Variants in NAV3 observed in about 807,000 individuals in gnomAD.
NAV3 encodes pore membrane and/or filament interacting like protein 1.
NAV3 carries 87 observed loss-of-function variants against 244.7 expected under a neutral mutation model. The ratio of observed to expected loss-of-function variants is 0.36; its 90% CI spans 0.30 to 0.42. NAV3 has a LOEUF of 0.42. Ranked by LOEUF, NAV3 falls within the 20% of genes least tolerant of loss-of-function variation. The probability of loss-of-function intolerance (pLI) is 1.00; values close to 1 mark genes in which losing one functional copy is unlikely to be tolerated. For synonymous variants in NAV3, 1,126 were observed against 1,042.2 expected (o/e 1.08, Z -1.55); for missense variants, 2,663 against 2,893.3 (o/e 0.92, Z 1.83).
chr12:77,920,471 G>A (rs1887601490), intron 1 of NAV3, among the ~76,000 whole-genome samples: 1 of 151,890 alleles, frequency 6.6e-6, no homozygotes. Context: ...GATGAATTAA[G>A]TCCTATCTGA....
intron 38 of NAV3, 59 bp from the exon 39 acceptor site, chr12:78,204,876 C>A: frequency 6.6e-7 from 1 of 1,517,100 alleles, no homozygotes; most frequent in Non-Finnish European, 9.0e-7. Flanking sequence ...TAGCAGTCCC[C>A]TTTTTTGCTG....
chr12:77,792,209 A>G (rs1435137246), intron 2 of NAV3, among the ~76,000 whole-genome samples: 1 of 152,164 alleles, frequency 6.6e-6, no homozygotes, highest in Admixed American at 6.5e-5. Flanking sequence ...GGAATGCTGT[A>G]TCCTCCTACA....
intron 1 of NAV3, among the ~76,000 whole-genome samples, chr12:77,919,858 A>T (rs1887534837): frequency 6.6e-6 from 1 of 151,916 alleles, no homozygotes; most frequent in African/African-American, 2.4e-5. Flanking sequence ...AAATTTAATC[A>T]CGCTTGGATT....
chr12:77,921,144 G>A (rs1394970017), intron 1 of NAV3, among the ~76,000 whole-genome samples: 1 of 151,914 alleles, frequency 6.6e-6, no homozygotes, highest in Non-Finnish European at 1.5e-5. Context: ...TAAAGCTAGG[G>A]TAACTATTTT....
rs973940908 is a variant in NAV3 at position 77,922,613 on chromosome 12, G to A, written c.244-17706G>A. 9.0e-4 allele frequency among the ~76,000 whole-genome samples: 137 copies of A among 152,184 alleles called. 1 individual carries two copies. Among genetic ancestry groups the A allele is most frequent in the Middle Eastern group, 3.4e-3 (1 of 294 alleles). ...CAGCTTAGGATCCCACCTATGTCCA[G>A]CATTGACTTTACTCTTGTCCCCTCG... is the stretch of plus-strand genomic sequence containing the variant. On this transcript the variant is annotated intron_variant, in intron 1 of 39. Coordinates refer to ENST00000397909, the MANE Select transcript of NAV3 (RefSeq NM_001024383.2).
intron 1 of NAV3, among the ~76,000 whole-genome samples, chr12:77,929,490 T>G (rs1029481238): frequency 3.9e-5 from 6 of 152,170 alleles, no homozygotes; most frequent in Non-Finnish European, 7.4e-5. Flanking sequence ...TTATCCACCT[T>G]GAGTCAAATC....
chr12:77,819,998 A>G (rs1872669937), intron 2 of NAV3, among the ~76,000 whole-genome samples: 1 of 152,194 alleles, frequency 6.6e-6, no homozygotes, highest in Non-Finnish European at 1.5e-5. Context: ...AGGGGAATGC[A>G]TATATGGAAA....
At chr12:77,641,947 C>T (rs939820033) in intron 2 of NAV3, among the ~76,000 whole-genome samples, 48 of 152,118 alleles carry the variant, frequency 3.2e-4, no homozygotes, top group African/African-American at 1.1e-3. Flanking sequence ...GGCAGAATTA[C>T]GGGCAGGCAG....
chr12:77,872,928 C>T (rs976642587), intron 1 of NAV3, among the ~76,000 whole-genome samples: 1 of 152,220 alleles, frequency 6.6e-6, no homozygotes. Flanking sequence ...ACCCAAATCT[C>T]ATCTTGATTG....
chr12:77,693,147 A>C (rs939110475), intron 2 of NAV3, among the ~76,000 whole-genome samples: 1 of 152,300 alleles, frequency 6.6e-6, no homozygotes, highest in East Asian at 1.9e-4. Context: ...TGACTTCTGC[A>C]TGACTATCTA....
chr12:78,022,278 A>G (rs1877286822), intron 9 of NAV3, among the ~76,000 whole-genome samples: 1 of 152,150 alleles, frequency 6.6e-6, no homozygotes, highest in Non-Finnish European at 1.5e-5. Flanking sequence ...AAACTCTGAA[A>G]AGGAAAATAT....
At chr12:77,816,611 C>T (rs1043934673) in intron 2 of NAV3, among the ~76,000 whole-genome samples, 2 of 152,120 alleles carry the variant, frequency 1.3e-5, no homozygotes, top group African/African-American at 2.4e-5. Flanking sequence ...CACATGTGCT[C>T]GGCTATCATC....
chr12:78,146,968 T>C (rs1160499478), intron 21 of NAV3, among the ~76,000 whole-genome samples: 1 of 152,104 alleles, frequency 6.6e-6, no homozygotes, highest in African/African-American at 2.4e-5. Flanking sequence ...TGGTAAAACA[T>C]TTGTCCTGGT....
At chr12:77,623,819 C>G (rs17793337) in intron 2 of NAV3, among the ~76,000 whole-genome samples, 3,783 of 152,216 alleles carry the variant, frequency 0.025, 62 homozygotes, top group Middle Eastern at 0.085. Context: ...ATGAAAGAAT[C>G]TGTAAAAAAC....
chr12:77,846,600 A>C (rs937528819), intron 1 of NAV3, among the ~76,000 whole-genome samples: 1 of 152,162 alleles, frequency 6.6e-6, no homozygotes, highest in African/African-American at 2.4e-5. Flanking sequence ...CTAGTTTTCT[A>C]TAATAGTCTA....
chr12:78,197,372 T>C lies in NAV3; in HGVS notation c.6417T>C (p.Asn2139=), dbSNP rs775014090. 1 of 1,601,770 alleles carries C rather than the reference T, an allele frequency of 6.2e-7. No individual in the cohort carries two copies. Among genetic ancestry groups the C allele is most frequent in the Admixed American group, 1.7e-5 (1 of 59,018 alleles). ...HHVGSLSDIF[N]GFLNCKYNKC... is the part of the protein sequence containing the mutation. ...TGGGCTCTCTGAGTGATATCTTCAA[T>C]GGTTTTCTCAATTGTAAATACAACA... The change falls in exon 35 of 40, where the codon AAT becomes AAC. Residue 2139 remains asparagine, a synonymous_variant. Coordinates refer to ENST00000397909, the MANE Select transcript of NAV3 (RefSeq NM_001024383.2).
At chr12:77,979,566 G>T (rs1869147536) in intron 5 of NAV3, among the ~76,000 whole-genome samples, 1 of 151,844 alleles carries the variant, frequency 6.6e-6, no homozygotes, top group South Asian at 2.1e-4. Flanking sequence ...TTGCTTATGA[G>T]ACTTTAACCA....
intron 1 of NAV3, among the ~76,000 whole-genome samples, chr12:77,911,866 T>A (rs916190647): frequency 4.1e-5 from 5 of 120,592 alleles, no homozygotes; most frequent in Admixed American, 8.0e-5. Flanking sequence ...GATCATATAT[T>A]TTTTTTAACT....
At chr12:77,681,397 T>G (rs1204659746) in intron 2 of NAV3, among the ~76,000 whole-genome samples, 2 of 152,204 alleles carry the variant, frequency 1.3e-5, no homozygotes, top group Non-Finnish European at 2.9e-5. Context: ...ATATTCCTTT[T>G]GTTTCCTGTG....
Sources: allele counts gnomAD v4.1 joint callset (sites outside exome capture counted in the v4.1 genomes callset), GRCh38; gene constraint gnomAD v4.1.1; transcripts MANE v1.5; gene names NCBI Gene and HGNC (gene_info 2026-07-23, HGNC 2026-07-21).